The following ACYP2 variants were observed in gnomAD, a reference collection of about 807,000 sequenced individuals.
The protein encoded by ACYP2 is acylphosphatase 2, also known as acylphosphatase-2.
A neutral mutation model predicts 11.2 loss-of-function variants in ACYP2; 12 were observed. That is an observed-to-expected ratio of 1.08 (90% CI 0.69 to 1.74). The LOEUF is 1.74. Ranked by LOEUF, ACYP2 falls within the 40% of genes most tolerant of loss-of-function variation. The pLI is 0.00. For synonymous variants in ACYP2, 43 were observed against 32.2 expected (o/e 1.33, Z -1.13); for missense variants, 134 against 101.9 (o/e 1.31, Z -1.35).
At chr2:54,016,070 C>G (rs1174879420) in intron 2 of ACYP2, among the ~76,000 whole-genome samples, 1 of 152,078 alleles carries the variant, frequency 6.6e-6, no homozygotes, top group Non-Finnish European at 1.5e-5. Context: ...TCCAGTCTTT[C>G]CTATATTAAT....
At chr2:54,189,839 T>G (rs907333347) in intron 6 of ACYP2, among the ~76,000 whole-genome samples, 4 of 152,170 alleles carry the variant, frequency 2.6e-5, no homozygotes, top group Non-Finnish European at 5.9e-5. Flanking sequence ...TGTACAAGGG[T>G]TCTCTTTTCT....
intron 2 of ACYP2, among the ~76,000 whole-genome samples, chr2:54,032,475 A>G (rs1177905638): frequency 6.6e-6 from 1 of 151,996 alleles, no homozygotes; most frequent in Non-Finnish European, 1.5e-5. Flanking sequence ...TTTCTGTTCC[A>G]TTGGTCTATA....
At chr2:54,146,246 T>G (rs1681875022) in intron 6 of ACYP2, among the ~76,000 whole-genome samples, 2 of 152,232 alleles carry the variant, frequency 1.3e-5, no homozygotes, top group African/African-American at 4.8e-5. Context: ...GAGTTATACC[T>G]GTTTATTCCC....
intron 3 of ACYP2, among the ~76,000 whole-genome samples, chr2:54,052,820 T>A (rs1169306143): frequency 6.6e-6 from 1 of 152,174 alleles, no homozygotes; most frequent in African/African-American, 2.4e-5. Flanking sequence ...AGGTGGCCCA[T>A]GAGGACAAGA....
intron 2 of ACYP2, chr2:53,975,198 C>G (rs1047111651): frequency 1.0e-5 from 4 of 391,992 alleles, no homozygotes; most frequent in African/African-American, 2.1e-5. Context: ...GCATTCCAAC[C>G]TGGCGACAGA....
At chr2:54,249,458 T>C (rs1299903529) in intron 6 of ACYP2, among the ~76,000 whole-genome samples, 1 of 150,716 alleles carries the variant, frequency 6.6e-6, no homozygotes. Flanking sequence ...AAAGAGTCCT[T>C]ATTTCAAAGG....
At chr2:54,040,935 CATAG>C (rs1675188189) in intron 2 of ACYP2, among the ~76,000 whole-genome samples, 1 of 152,028 alleles carries the variant, frequency 6.6e-6, no homozygotes, top group South Asian at 2.1e-4. Context: ...AAATAGTGTT[CATAG>C]ATAGGTGGAA....
chr2:54,257,167 A>G (rs948529438), intron 6 of ACYP2, among the ~76,000 whole-genome samples: 1 of 151,900 alleles, frequency 6.6e-6, no homozygotes, highest in Non-Finnish European at 1.5e-5. Context: ...TGAGCCTAGG[A>G]GTTGGAGACC....
intron 6 of ACYP2, among the ~76,000 whole-genome samples, chr2:54,303,639 A>G (rs1161122617): frequency 2.6e-5 from 4 of 152,238 alleles, no homozygotes; most frequent in Non-Finnish European, 5.9e-5. Flanking sequence ...AGCAATTTGA[A>G]TCATTGGAAT....
chr2:54,300,792 T>C (rs912443565), intron 6 of ACYP2, among the ~76,000 whole-genome samples: 2 of 152,374 alleles, frequency 1.3e-5, no homozygotes, highest in African/African-American at 4.8e-5. Context: ...TTCAAAAAGC[T>C]GTACAATTTT....
chr2:54,043,127 A>G (rs1371958894), intron 2 of ACYP2, among the ~76,000 whole-genome samples: 1 of 152,124 alleles, frequency 6.6e-6, no homozygotes, highest in Non-Finnish European at 1.5e-5. Flanking sequence ...TGGCCTAAAA[A>G]TAGTTGTGTA....
chr2:54,063,030 TAGTTCCTGGGG>T (rs1272485488), intron 4 of ACYP2, among the ~76,000 whole-genome samples: 4 of 152,324 alleles, frequency 2.6e-5, no homozygotes, highest in East Asian at 1.9e-4. Flanking sequence ...GGTACTACGC[TAGTTCCTGGGG>T]AGTTCCTGGG....
At chr2:54,143,824 G>T (rs1681751714) in intron 6 of ACYP2, among the ~76,000 whole-genome samples, 1 of 141,018 alleles carries the variant, frequency 7.1e-6, no homozygotes, top group Admixed American at 7.5e-5. Flanking sequence ...ATATTAGGAA[G>T]TTTTCCATCC....
chr2:54,037,126 T>G (rs554411920), intron 2 of ACYP2, among the ~76,000 whole-genome samples: 2 of 152,310 alleles, frequency 1.3e-5, no homozygotes, highest in East Asian at 1.9e-4. Flanking sequence ...TTTGTTTTGT[T>G]TTTTAAGACA....
At chr2:54,104,477 G>A (rs1679051037) in intron 4 of ACYP2, among the ~76,000 whole-genome samples, 1 of 152,116 alleles carries the variant, frequency 6.6e-6, no homozygotes, top group Non-Finnish European at 1.5e-5. Context: ...TGTCACCTTT[G>A]TAAAGAACTT....
In ACYP2 at chr2:54,069,391, G is replaced by A. The variant is rs377212115; in HGVS notation, c.277+12031G>A. Among the ~76,000 whole-genome samples, 185 of 152,228 alleles carry A rather than the reference G, an allele frequency of 1.2e-3. 1 individual carries two copies. Among genetic ancestry groups the A allele is most frequent in the African/African-American group, 4.0e-3 (168 of 41,530 alleles). ...ACAAAGCAAAATACAGGCTGGGCAC[G>A]GTGGCTCATGCCTGTAATCCCAGCA... On this transcript the variant is annotated intron_variant, in intron 4 of 6. Coordinates refer to ENST00000607452, the MANE Select transcript of ACYP2 (RefSeq NM_001320586.2).
chr2:54,244,823 C>T (rs764032182), intron 6 of ACYP2, among the ~76,000 whole-genome samples: 2 of 152,056 alleles, frequency 1.3e-5, no homozygotes, highest in African/African-American at 4.8e-5. Flanking sequence ...ATATACAATG[C>T]TTAGTGATCA....
chr2:54,068,273 T>C (rs1195137535), intron 4 of ACYP2, among the ~76,000 whole-genome samples: 1 of 152,196 alleles, frequency 6.6e-6, no homozygotes, highest in Non-Finnish European at 1.5e-5. Context: ...TAGTATATCT[T>C]CCTACCTTAT....
chr2:54,149,110 G>A (rs1257803930), intron 6 of ACYP2, among the ~76,000 whole-genome samples: 1 of 152,186 alleles, frequency 6.6e-6, no homozygotes, highest in Non-Finnish European at 1.5e-5. Context: ...AATTAGCTGG[G>A]CATGGGCCTT....
Sources: gnomAD v4.1 joint callset for allele counts (sites outside exome capture counted in the v4.1 genomes callset) on GRCh38, gnomAD v4.1.1 for gene constraint, MANE v1.5 for transcripts, NCBI Gene and HGNC (gene_info 2026-07-23, HGNC 2026-07-21) for gene names.